Variants in PKHD1L1 observed in about 807,000 individuals in gnomAD.
PKHD1L1 encodes fibrocystin-L.
PKHD1L1 carries 434 observed loss-of-function variants against 462.9 expected under a neutral mutation model. The ratio of observed to expected loss-of-function variants is 0.94; its 90% CI spans 0.87 to 1.02. The LOEUF (loss-of-function observed/expected upper bound fraction) is 1.02. Among genes scored for constraint, PKHD1L1 ranks in the 50% least tolerant of loss-of-function variants. PKHD1L1 has a pLI of 0.00. For missense variants in PKHD1L1, 5,202 were observed against 5,096.1 expected, an observed-to-expected ratio of 1.02 and a Z score of -0.63; for synonymous variants, 1,781 against 1,750.0, an observed-to-expected ratio of 1.02 and a Z score of -0.44.
At chr8:109,435,109 G>A in intron 28 of PKHD1L1, 81 bp from the exon 29 acceptor site, 2 of 1,433,730 alleles carry the variant, frequency 1.4e-6, no homozygotes, top group Non-Finnish European at 1.9e-6. Context: ...GAAGGCCAAT[G>A]TTAGTATTTG....
intron 76 of PKHD1L1, among the ~76,000 whole-genome samples, chr8:109,526,426 G>A (rs748119296): frequency 6.6e-6 from 1 of 152,142 alleles, no homozygotes; most frequent in Non-Finnish European, 1.5e-5. Flanking sequence ...GGTCAAGTAC[G>A]AAGGGATGAA....
At position 109,486,702 on chromosome 8, in the gene PKHD1L1, T is replaced by C. The variant is rs1487053232; in HGVS notation, c.9761T>C (p.Val3254Ala). Reference sequence around the variant, plus strand: ...GAGAGCTACACGTTAGCAGCTGATGTTGGGATACTGAGTAGGAACATCAAA... The same window carrying C: ...GAGAGCTACACGTTAGCAGCTGATGCTGGGATACTGAGTAGGAACATCAAA... Reference protein sequence around the residue: ...TGESYTLAADVGILSRNIKIV... With the variant: ...TGESYTLAADAGILSRNIKIV... The change falls in exon 59 of 78, where the codon GTT becomes GCT. Residue 3254 changes from valine to alanine, a missense_variant. Physicochemically the swap from Val to Ala is moderately conservative, Grantham distance 64. This residue lies in a region of PKHD1L1 where 4,497 missense variants were observed against 4,336.8 expected (regional missense o/e 1.04). Coordinates refer to ENST00000378402, the MANE Select transcript of PKHD1L1 (RefSeq NM_177531.6). The C allele has an allele frequency of 1.9e-6, 3 of 1,612,476 alleles. No homozygotes were observed. The highest frequency in any genetic ancestry group is 1.1e-5 in the South Asian group (1 of 91,030).
chr8:109,407,635 T>G (rs1451256930), intron 17 of PKHD1L1, among the ~76,000 whole-genome samples: 1 of 152,186 alleles, frequency 6.6e-6, no homozygotes, highest in African/African-American at 2.4e-5. Context: ...GAATTCAGCT[T>G]TGTGCCCTAT....
At chr8:109,511,250 C>T (rs1819961357) in intron 71 of PKHD1L1, among the ~76,000 whole-genome samples, 1 of 151,834 alleles carries the variant, frequency 6.6e-6, no homozygotes, top group Non-Finnish European at 1.5e-5. Context: ...ATGTGTAGGC[C>T]AGTCACACAT....
chr8:109,391,085 C>A (rs1337677932), intron 9 of PKHD1L1, among the ~76,000 whole-genome samples: 3 of 152,022 alleles, frequency 2.0e-5, no homozygotes, highest in Non-Finnish European at 4.4e-5. Flanking sequence ...ATGTTGAAAC[C>A]CCATATTATA....
intron 65 of PKHD1L1, among the ~76,000 whole-genome samples, chr8:109,498,126 G>A (rs1270338662): frequency 2.7e-5 from 1 of 36,368 alleles, no homozygotes; most frequent in Non-Finnish European, 4.3e-5. Flanking sequence ...ACGGAGTCTC[G>A]CTCTGTCGCC....
At position 109,507,705 on chromosome 8, in the gene PKHD1L1, C is replaced by G. The variant is rs776664496; in HGVS notation, c.11037C>G (p.Ala3679=). 5.6e-6 allele frequency: 9 copies of G among 1,613,244 alleles called. No homozygotes were observed. The African/African-American group carries it at 1.2e-4, about 22-fold the overall frequency. The change falls in exon 69 of 78, where the codon GCC becomes GCG. Residue 3679 remains alanine (A), a synonymous_variant. Transcript: ENST00000378402. ...ATTGTGTAGACATGGTTTGTGATGC[C>G]AAGAGGAAATCTTTTCTTAGAGACA... ...PSDCVDMVCD[A]KRKSFLRDID... is the part of the protein sequence containing the mutation.
chr8:109,362,684 C>G, intron 1 of PKHD1L1, 31 bp downstream of exon 1: 1 of 1,566,334 alleles, frequency 6.4e-7, no homozygotes, highest in Non-Finnish European at 8.7e-7. Context: ...GGCAGGCAAG[C>G]AGGAGAGGCC....
In PKHD1L1 at chr8:109,406,360, A is replaced by G. The variant is rs1470575346; in HGVS notation, c.1695A>G (p.Glu565=). Reference sequence around the variant, plus strand: ...TCTTCCTACCTGCTGATGCTTCTGAATTCATACTGCAATCAGCCTTGAATG... The same window carrying G: ...TCTTCCTACCTGCTGATGCTTCTGAGTTCATACTGCAATCAGCCTTGAATG... ...KTVFLPADAS[E]FILQSALNDL... is the part of the protein sequence containing the mutation. Residue 565 remains glutamate, a synonymous_variant, in exon 17 of 78, where the codon GAA becomes GAG. Transcript: ENST00000378402. The G allele has an allele frequency of 6.4e-7, 1 of 1,554,134 alleles. No homozygotes were observed. The highest frequency in any genetic ancestry group is 2.4e-5 in the East Asian group (1 of 41,440).
At chr8:109,410,051 C>A (rs1042128670) in intron 19 of PKHD1L1, 73 bp downstream of exon 19, 2 of 833,672 alleles carry the variant, frequency 2.4e-6, no homozygotes, top group South Asian at 5.0e-5. Flanking sequence ...TTTATAATTT[C>A]TCTTCTGAAG....
chr8:109,525,871 T>A (rs1055453413), intron 76 of PKHD1L1, among the ~76,000 whole-genome samples: 1 of 152,162 alleles, frequency 6.6e-6, no homozygotes, highest in African/African-American at 2.4e-5. Flanking sequence ...TTGCAATTGT[T>A]CATGAAACCA....
At chr8:109,469,473 C>T (rs1017640214) in intron 50 of PKHD1L1, among the ~76,000 whole-genome samples, 1 of 152,144 alleles carries the variant, frequency 6.6e-6, no homozygotes, top group Admixed American at 6.6e-5. Flanking sequence ...CTCCTTCCCT[C>T]TCTTCTCTTT....
At chr8:109,497,794 A>ATAGT (rs113810703) in intron 65 of PKHD1L1, among the ~76,000 whole-genome samples, 59,083 of 151,512 alleles carry the variant, frequency 0.39, 11,657 homozygotes, top group South Asian at 0.57. Flanking sequence ...TAATCTTGAA[A>ATAGT]TAGTTAAATT....
chr8:109,518,145 T>A, intron 72 of PKHD1L1, 22 bp from the exon 73 acceptor site: 1 of 1,430,776 alleles, frequency 7.0e-7, no homozygotes, highest in Non-Finnish European at 9.6e-7. Context: ...AGCTGTGATG[T>A]TCTGGCTTTT....
intron 3 of PKHD1L1, 80 bp from the exon 4 acceptor site, chr8:109,382,382 TG>T: frequency 8.8e-7 from 1 of 1,130,686 alleles, no homozygotes; most frequent in East Asian, 2.8e-5. Context: ...GCCTGCAGTC[TG>T]GGGCAGTATT....
At chr8:109,423,334 G>A (rs1326947126) in intron 23 of PKHD1L1, among the ~76,000 whole-genome samples, 2 of 151,970 alleles carry the variant, frequency 1.3e-5, no homozygotes, top group Non-Finnish European at 2.9e-5. Flanking sequence ...TTTCGTTGAG[G>A]TTCATTTGTT....
In PKHD1L1 at chr8:109,390,603, T is replaced by C. The variant is rs1812666649; in HGVS notation, c.740+109T>C. On this transcript the variant is annotated intron_variant, in intron 9 of 77. Transcript: ENST00000378402. ...ATGCAGAGGTTTAAAAATTAACTACTTTTTTTCCCCAATTAACAGTTAAAG... is the reference window on the plus strand; with the variant it reads ...ATGCAGAGGTTTAAAAATTAACTACCTTTTTTCCCCAATTAACAGTTAAAG... 1.1e-5 allele frequency: 6 copies of C among 535,050 alleles called. No individual in the cohort carries two copies. The South Asian group carries it at 2.6e-4, about 23-fold the overall frequency. The allele number at this position is 535,050 out of a possible 1,614,324, so 33.1% of individuals were successfully genotyped here. A position where few individuals can be genotyped will look rare whatever the true frequency, so the allele number is the denominator to read the frequency against.
In PKHD1L1 at chr8:109,482,763, G is replaced by A. The variant is rs117468670; in HGVS notation, c.9458-224G>A. ...TGCTGTGGTAAGCATCTTCATTCATGTACTCTTGTATACTGGCTTTAATGT... is the reference window on the plus strand; with the variant it reads ...TGCTGTGGTAAGCATCTTCATTCATATACTCTTGTATACTGGCTTTAATGT... On this transcript the variant is annotated intron_variant, in intron 56 of 77. Transcript: ENST00000378402. 7.0e-3 allele frequency among the ~76,000 whole-genome samples: 1,061 copies of A among 151,556 alleles called. 8 individuals carry two copies. The highest frequency in any genetic ancestry group is 0.011 in the Non-Finnish European group (713 of 67,714).
At chr8:109,381,723 T>A (rs138934904) in intron 3 of PKHD1L1, among the ~76,000 whole-genome samples, 105 of 152,272 alleles carry the variant, frequency 6.9e-4, no homozygotes, top group African/African-American at 2.3e-3. Context: ...ACATATTCTA[T>A]GTCTTTTCCC....
Sources: gnomAD v4.1 joint callset for allele counts (sites outside exome capture counted in the v4.1 genomes callset) on GRCh38, gnomAD v4.1.1 for gene constraint, gnomAD v4.1.1 regional missense constraint, MANE v1.5 for transcripts, NCBI Gene and HGNC (gene_info 2026-07-23, HGNC 2026-07-21) for gene names.